LRRC69: variants seen among roughly 807,000 people sequenced by gnomAD.
LRRC69 encodes the protein leucine-rich repeat-containing protein 69.
In LRRC69, 42 loss-of-function variants were observed where a neutral mutation model predicts 37.8. The ratio of observed to expected loss-of-function variants is 1.11; its 90% CI spans 0.87 to 1.44. The LOEUF is 1.44. Ranked by LOEUF, LRRC69 falls within the 40% of genes most tolerant of loss-of-function variation. LRRC69 has a pLI of 0.00. For synonymous variants in LRRC69, 141 were observed against 143.1 expected (o/e 0.99, Z 0.11); for missense variants, 357 against 401.9 (o/e 0.89, Z 0.96).
chr8:91,180,955 A>G (rs6471270), intron 5 of LRRC69, among the ~76,000 whole-genome samples: 102,772 of 151,850 alleles, frequency 0.68, 35,210 homozygotes, highest in African/African-American at 0.74. Context: ...AAGAAAATAA[A>G]ATAAAATACC....
chr8:91,144,852 G>A (rs1187821036), intron 5 of LRRC69, among the ~76,000 whole-genome samples: 1 of 151,728 alleles, frequency 6.6e-6, no homozygotes, highest in Non-Finnish European at 1.5e-5. Context: ...AATATTTTTT[G>A]TGCTTAATAC....
At chr8:91,147,100 T>G (rs969211081) in intron 5 of LRRC69, among the ~76,000 whole-genome samples, 1 of 151,454 alleles carries the variant, frequency 6.6e-6, no homozygotes, top group African/African-American at 2.4e-5. Context: ...TCAAGTAGAT[T>G]TTAGAGTCTA....
Position 91,176,134 on chromosome 8 carries a change from A to ATATATATGTATTTTTTTT in LRRC69, c.652-13387_652-13386insATATATGTATTTTTTTTT. Among the ~76,000 whole-genome samples the ATATATATGTATTTTTTTT allele has an allele frequency of 1.8e-3, 137 of 75,698 alleles. 1 individual carries two copies. The highest frequency in any genetic ancestry group is 2.6e-3 in the Non-Finnish European group (110 of 41,648). The allele number at this position is 75,698 out of a possible 152,430, so 49.7% of individuals were successfully genotyped here. A position where few individuals can be genotyped will look rare whatever the true frequency, so the allele number is the denominator to read the frequency against. ...ATCCCTCATATATATATATATATAT[A>ATATATATGTATTTTTTTT]TTTTTTTTTTTTCTTTTTTTTGAGA... On this transcript the variant is annotated intron_variant, in intron 5 of 7. Coordinates refer to ENST00000448384, the Ensembl canonical transcript of LRRC69.
At chr8:91,196,851 T>C (rs1003439599) in intron 6 of LRRC69, among the ~76,000 whole-genome samples, 3 of 152,158 alleles carry the variant, frequency 2.0e-5, no homozygotes, top group African/African-American at 4.8e-5. Flanking sequence ...TTGTCAAAGT[T>C]GTTCTCCGTC....
intron 6 of LRRC69, among the ~76,000 whole-genome samples, chr8:91,192,794 G>C (rs867225805): frequency 1.5e-4 from 23 of 150,156 alleles, no homozygotes; most frequent in African/African-American, 5.3e-4. Flanking sequence ...CATTTTCTAG[G>C]TTGCCTGTTC....
chr8:91,113,793 T>C (rs922499929), intron 1 of LRRC69, among the ~76,000 whole-genome samples: 7 of 151,458 alleles, frequency 4.6e-5, no homozygotes, highest in African/African-American at 1.7e-4. Context: ...GGAGAAAATA[T>C]TTGCAAAGCA....
At chr8:91,196,016 A>T (rs1809592828) in intron 6 of LRRC69, among the ~76,000 whole-genome samples, 4 of 152,166 alleles carry the variant, frequency 2.6e-5, no homozygotes. Flanking sequence ...CGCTTCCTTC[A>T]GGAGCTCTTT....
At chr8:91,188,817 G>C (rs924836346) in intron 5 of LRRC69, among the ~76,000 whole-genome samples, 1 of 149,162 alleles carries the variant, frequency 6.7e-6, no homozygotes, top group African/African-American at 2.4e-5. Flanking sequence ...CTTGTGAACT[G>C]TATATCTTCC....
intron 5 of LRRC69, among the ~76,000 whole-genome samples, chr8:91,150,296 C>G (rs372774652): frequency 2.7e-4 from 41 of 151,388 alleles, no homozygotes; most frequent in African/African-American, 4.8e-4. Context: ...TAGCATGAAG[C>G]GTTGTTGAAT....
At chr8:91,121,915 T>C (rs1436932576) in intron 1 of LRRC69, among the ~76,000 whole-genome samples, 7 of 152,018 alleles carry the variant, frequency 4.6e-5, no homozygotes, top group Admixed American at 4.6e-4. Flanking sequence ...AAACAAAAAC[T>C]AAACCAAAAC....
Position 91,102,860 on chromosome 8 carries a change from T to C in LRRC69, c.183+16T>C. 6.5e-7 allele frequency: 1 copy of C among 1,532,248 alleles called. No individual in the cohort carries two copies. Among genetic ancestry groups the C allele is most frequent in the South Asian group, 1.3e-5 (1 of 79,834 alleles). 94.9% of individuals were successfully genotyped at this position (1,532,248 alleles called of 1,614,324 possible). A position where few individuals can be genotyped will look rare whatever the true frequency, so the allele number is the denominator to read the frequency against. On this transcript the variant is annotated intron_variant, in intron 1 of 7. Transcript: ENST00000448384. ...CTTGACCCAGGTGAGGAACAGTGTT[T>C]TGCTGTTGTGGTTTGGTATTGAAGA...
At chr8:91,107,032 C>G (rs1813327188) in intron 1 of LRRC69, among the ~76,000 whole-genome samples, 1 of 151,534 alleles carries the variant, frequency 6.6e-6, no homozygotes. Context: ...GAACTCCTGG[C>G]TTCAAGCAAT....
chr8:91,218,591 T>G (rs994263505), intron 7 of LRRC69, among the ~76,000 whole-genome samples: 2 of 152,166 alleles, frequency 1.3e-5, no homozygotes, highest in Admixed American at 1.3e-4. Flanking sequence ...TCATGTAGAT[T>G]CTGTATCATT....
At chr8:91,197,087 T>G (rs1338151677) in intron 6 of LRRC69, among the ~76,000 whole-genome samples, 2 of 151,908 alleles carry the variant, frequency 1.3e-5, no homozygotes, top group Non-Finnish European at 2.9e-5. Context: ...GCAGGTCTGT[T>G]GGAGTACCCT....
chr8:91,121,839 G>A (rs1813628591), intron 1 of LRRC69, among the ~76,000 whole-genome samples: 1 of 151,992 alleles, frequency 6.6e-6, no homozygotes, highest in African/African-American at 2.4e-5. Context: ...AATATGTGCA[G>A]TTTAGACTGC....
intron 7 of LRRC69, among the ~76,000 whole-genome samples, chr8:91,215,219 T>C (rs963387303): frequency 4.6e-5 from 7 of 152,128 alleles, no homozygotes; most frequent in African/African-American, 1.7e-4. Context: ...TGTGGACATC[T>C]TTGGGGGGAC....
intron 5 of LRRC69, among the ~76,000 whole-genome samples, chr8:91,137,733 T>C (rs1178374825): frequency 6.6e-6 from 1 of 152,040 alleles, no homozygotes; most frequent in Admixed American, 6.6e-5. Context: ...TCATCTGAGC[T>C]TTGGTCCAAC....
At chr8:91,124,709 A>G (rs1563596757) in intron 2 of LRRC69, 90 bp downstream of exon 2, 1 of 1,169,950 alleles carries the variant, frequency 8.5e-7, no homozygotes, top group Non-Finnish European at 1.2e-6. Context: ...AGAATTTTGC[A>G]TGTTTAATCT....
intron 5 of LRRC69, among the ~76,000 whole-genome samples, chr8:91,168,264 G>T (rs542323691): frequency 2.0e-5 from 3 of 151,776 alleles, no homozygotes; most frequent in African/African-American, 7.2e-5. Context: ...TCTAATTAGG[G>T]CTTTTGGAAA....
Sources: gnomAD v4.1 joint callset for allele counts (sites outside exome capture counted in the v4.1 genomes callset) on GRCh38, gnomAD v4.1.1 for gene constraint, MANE v1.5 for transcripts, NCBI Gene and HGNC (gene_info 2026-07-23, HGNC 2026-07-21) for gene names.